ZNG1F: variants seen among roughly 807,000 people sequenced by gnomAD.
The protein encoded by ZNG1F is zinc-regulated GTPase metalloprotein activator 1F.
the ZNG1F span, among the ~76,000 whole-genome samples, chr9:41,139,092 CA>C: frequency 9.1e-6 from 1 of 110,348 alleles, no homozygotes; most frequent in African/African-American, 3.5e-5. Flanking sequence ...GGTTCCTTCT[CA>C]TTTGGGTAGG....
At chr9:41,151,319 C>T in the ZNG1F span, among the ~76,000 whole-genome samples, 2 of 147,928 alleles carry the variant, frequency 1.4e-5, no homozygotes, top group Non-Finnish European at 3.0e-5. Flanking sequence ...TAAAAAGAAA[C>T]AAACAAAGCC....
the ZNG1F span, among the ~76,000 whole-genome samples, chr9:41,200,974 AC>A: frequency 2.1e-5 from 3 of 141,452 alleles, no homozygotes; most frequent in Admixed American, 7.3e-5. Context: ...AAACCATATC[AC>A]CCCCCCAAAA....
chr9:41,190,135 T>C, the ZNG1F span, among the ~76,000 whole-genome samples: 1 of 143,366 alleles, frequency 7.0e-6, no homozygotes, highest in Admixed American at 7.3e-5. Flanking sequence ...TGCTGATCAT[T>C]CCCTGTTTTC....
chr9:41,203,238 T>C, the ZNG1F span, among the ~76,000 whole-genome samples: 1 of 152,166 alleles, frequency 6.6e-6, no homozygotes, highest in South Asian at 2.1e-4. Flanking sequence ...AAGTACCTGA[T>C]GGGGAGATAC....
chr9:41,145,294 G>A, the ZNG1F span: 61 of 402,934 alleles, frequency 1.5e-4, 1 homozygote, highest in East Asian at 2.2e-3. Context: ...ATCAAGGTGA[G>A]GTTGTGTTCC....
the ZNG1F span, among the ~76,000 whole-genome samples, chr9:41,185,651 A>T: frequency 1.3e-4 from 20 of 148,942 alleles, no homozygotes; most frequent in Non-Finnish European, 2.6e-4. Context: ...CCAGCCTGGC[A>T]ACAGAGAGAG....
the ZNG1F span, among the ~76,000 whole-genome samples, chr9:41,201,143 G>A: frequency 2.1e-5 from 3 of 142,830 alleles, no homozygotes; most frequent in Non-Finnish European, 4.6e-5. Context: ...GTGATATAAG[G>A]TGAAAGAAGC....
At chr9:41,195,485 C>T in the ZNG1F span, among the ~76,000 whole-genome samples, 2 of 107,984 alleles carry the variant, frequency 1.9e-5, no homozygotes, top group South Asian at 7.1e-4. Flanking sequence ...GGGGCTGTGA[C>T]ATTAAAGGCT....
At chr9:41,199,812 C>T in the ZNG1F span, among the ~76,000 whole-genome samples, 5 of 151,936 alleles carry the variant, frequency 3.3e-5, no homozygotes, top group African/African-American at 1.2e-4. Context: ...TTCTGTGCAC[C>T]CGCAGGCTCA....
At chr9:41,165,153 C>T in the ZNG1F span, 4 of 1,342,208 alleles carry the variant, frequency 3.0e-6, no homozygotes, top group Non-Finnish European at 4.0e-6. Flanking sequence ...CAGATTAATA[C>T]ATCAAAAGAG....
At chr9:41,154,984 A>C in the ZNG1F span, among the ~76,000 whole-genome samples, 1 of 150,718 alleles carries the variant, frequency 6.6e-6, no homozygotes, top group African/African-American at 2.4e-5. Context: ...CAATGGTAAC[A>C]AAAGCCAAAA....
chr9:41,150,216 G>A, the ZNG1F span, among the ~76,000 whole-genome samples: 1 of 144,674 alleles, frequency 6.9e-6, no homozygotes, highest in South Asian at 2.3e-4. Context: ...GTGACAGACT[G>A]CACCTGTAAG....
At chr9:41,155,344 G>T in the ZNG1F span, among the ~76,000 whole-genome samples, 1 of 149,630 alleles carries the variant, frequency 6.7e-6, no homozygotes, top group African/African-American at 2.5e-5. Context: ...TCATTAAAAA[G>T]TCAGGAAACA....
the ZNG1F span, among the ~76,000 whole-genome samples, chr9:41,166,200 C>T: frequency 1.7e-5 from 2 of 116,590 alleles, no homozygotes; most frequent in Admixed American, 9.6e-5. Flanking sequence ...GAGCTCGAGA[C>T]CAGGCTGGCC....
the ZNG1F span, among the ~76,000 whole-genome samples, chr9:41,149,840 CA>C: frequency 1.4e-5 from 2 of 147,964 alleles, no homozygotes; most frequent in Admixed American, 1.4e-4. Context: ...GTTCTTACTA[CA>C]ATAAAAAAAG....
chr9:41,185,739 T>C, the ZNG1F span, among the ~76,000 whole-genome samples: 8 of 143,790 alleles, frequency 5.6e-5, no homozygotes, highest in African/African-American at 2.0e-4. Flanking sequence ...TCTGGAGTCA[T>C]TTATTTCATG....
the ZNG1F span, chr9:41,132,249 T>G: frequency 6.2e-7 from 1 of 1,603,834 alleles, no homozygotes; most frequent in Non-Finnish European, 8.5e-7. Flanking sequence ...AATCGATTTG[T>G]TCTCTCAGTG....
At chr9:41,134,226 G>A in the ZNG1F span, among the ~76,000 whole-genome samples, 1 of 143,300 alleles carries the variant, frequency 7.0e-6, no homozygotes, top group Non-Finnish European at 1.5e-5. Context: ...GCTACCCAGA[G>A]CCAGGAATAA....
At chr9:41,196,387 GT>G in the ZNG1F span, 2 of 38,596 alleles carry the variant, frequency 5.2e-5, no homozygotes, top group African/African-American at 1.2e-4. Flanking sequence ...TTGATTAATT[GT>G]TTTTTAAATA....
Sources: gnomAD v4.1 joint callset for allele counts (sites outside exome capture counted in the v4.1 genomes callset) on GRCh38, gnomAD v4.1.1 for gene constraint, MANE v1.5 for transcripts, NCBI Gene and HGNC (gene_info 2026-07-23, HGNC 2026-07-21) for gene names.